Variants in MPHOSPH6 observed in about 807,000 individuals in gnomAD.
MPHOSPH6 encodes the protein M-phase phosphoprotein 6.
MPHOSPH6 carries 25 observed loss-of-function variants against 21.8 expected under a neutral mutation model. The ratio of observed to expected loss-of-function variants is 1.15; its 90% CI spans 0.83 to 1.60. The LOEUF (loss-of-function observed/expected upper bound fraction) is 1.60. Ranked by LOEUF, MPHOSPH6 falls within the 40% of genes most tolerant of loss-of-function variation. The pLI is 0.00. For synonymous variants in MPHOSPH6, 84 were observed against 56.5 expected, an observed-to-expected ratio of 1.49 and a Z score of -2.18; for missense variants, 269 against 181.8, an observed-to-expected ratio of 1.48 and a Z score of -2.76.
chr16:82,170,122 C>A lies in MPHOSPH6; in HGVS notation c.51+3G>T. ...CGGAGTGGCGCTCTCAGCGTCCCCG[C>A]ACCTTCATGCGCAGTAGATTCTTGG... On this transcript the variant is annotated splice_donor_region_variant and intron_variant, in intron 1 of 4. Coordinates refer to ENST00000258169, the MANE Select transcript of MPHOSPH6 (RefSeq NM_005792.2). 3.8e-6 allele frequency: 6 copies of A among 1,590,810 alleles called. No homozygotes were observed. Among genetic ancestry groups the A allele is most frequent in the East Asian group, 2.4e-5 (1 of 42,202 alleles).
At chr16:82,163,026 C>A (rs1906654343) in intron 2 of MPHOSPH6, among the ~76,000 whole-genome samples, 1 of 152,212 alleles carries the variant, frequency 6.6e-6, no homozygotes, top group African/African-American at 2.4e-5. Context: ...TCCCTCCTCA[C>A]CAACATCTTG....
chr16:82,160,676 G>A (rs900707648), intron 2 of MPHOSPH6, among the ~76,000 whole-genome samples: 1 of 152,164 alleles, frequency 6.6e-6, no homozygotes, highest in Non-Finnish European at 1.5e-5. Flanking sequence ...TGGGTGCACA[G>A]CATCCACCTG....
chr16:82,155,987 AAGTT>A (rs779978493), intron 2 of MPHOSPH6, among the ~76,000 whole-genome samples: 3 of 152,202 alleles, frequency 2.0e-5, no homozygotes, highest in Non-Finnish European at 4.4e-5. Context: ...TGTACACAAA[AAGTT>A]AGAGGCAAAC....
chr16:82,157,950 T>C (rs985314643), intron 2 of MPHOSPH6, among the ~76,000 whole-genome samples: 4 of 152,318 alleles, frequency 2.6e-5, no homozygotes, highest in South Asian at 2.1e-4. Flanking sequence ...TTTTACTGTG[T>C]TGACATTTGC....
chr16:82,168,096 C>A (rs1024704017), intron 1 of MPHOSPH6, among the ~76,000 whole-genome samples: 2 of 151,122 alleles, frequency 1.3e-5, no homozygotes, highest in African/African-American at 4.8e-5. Flanking sequence ...TTCCAACGTC[C>A]AGTTGAGTCT....
At chr16:82,155,917 A>G (rs1035347725) in intron 2 of MPHOSPH6, among the ~76,000 whole-genome samples, 1 of 152,070 alleles carries the variant, frequency 6.6e-6, no homozygotes, top group East Asian at 1.9e-4. Context: ...AAAAAAAAAA[A>G]AAGTTAATAG....
chr16:82,148,630 C>A lies in MPHOSPH6; in HGVS notation c.*101G>T. On this transcript the variant is annotated 3_prime_UTR_variant, in exon 5 of 5. Coordinates refer to ENST00000258169, the MANE Select transcript of MPHOSPH6 (RefSeq NM_005792.2). Reference sequence around the variant, plus strand: ...AAATGATAATCTCTTTACAAGTAAACGTTACAGTATTAATAACTATAGAGA... The same window carrying A: ...AAATGATAATCTCTTTACAAGTAAAAGTTACAGTATTAATAACTATAGAGA... 2 of 1,354,974 alleles carry A rather than the reference C, an allele frequency of 1.5e-6. No individual in the cohort carries two copies. The highest frequency in any genetic ancestry group is 1.6e-5 in the South Asian group (1 of 63,176). 83.9% of individuals were successfully genotyped at this position (1,354,974 alleles called of 1,614,324 possible).
At chr16:82,167,773 G>T (rs1045475454) in intron 1 of MPHOSPH6, among the ~76,000 whole-genome samples, 1 of 152,122 alleles carries the variant, frequency 6.6e-6, no homozygotes, top group Non-Finnish European at 1.5e-5. Context: ...AAGCTATGGG[G>T]AACAGCTGTA....
chr16:82,153,968 C>T (rs1422068848), intron 2 of MPHOSPH6, among the ~76,000 whole-genome samples: 1 of 152,004 alleles, frequency 6.6e-6, no homozygotes, highest in African/African-American at 2.4e-5. Context: ...ACATTTAGGG[C>T]CCACCCAGAT....
At position 82,170,181 on chromosome 16, in the gene MPHOSPH6, C is replaced by A. The variant is rs2303260; in HGVS notation, c.-6G>T. The A allele has an allele frequency of 5.7e-6, 9 of 1,581,648 alleles. No individual in the cohort carries two copies. The highest frequency in any genetic ancestry group is 1.1e-5 in the South Asian group (1 of 87,882). On this transcript the variant is annotated 5_prime_UTR_variant, in exon 1 of 5. Transcript: ENST00000258169. ...GTCTTTCGCTCGGCCGCCATGGTAGCTTCCGCCCAGCGCCGCACTCCGGCC... is the reference window on the plus strand; with the variant it reads ...GTCTTTCGCTCGGCCGCCATGGTAGATTCCGCCCAGCGCCGCACTCCGGCC...
chr16:82,165,114 C>CTTTTTTTTTTTTTTTTTTT lies in MPHOSPH6; in HGVS notation c.52-921_52-920insAAAAAAAAAAAAAAAAAAA, dbSNP rs1418457856. On this transcript the variant is annotated intron_variant, in intron 1 of 4. Transcript: ENST00000258169. ...TTTCCCTTATTCAGGTCCGATATTT[C>CTTTTTTTTTTTTTTTTTTT]TTTTTTATTTTTTTTTTTATTTTTT... Among the ~76,000 whole-genome samples, 31 of 63,936 alleles carry CTTTTTTTTTTTTTTTTTTT rather than the reference C, an allele frequency of 4.8e-4. 11 individuals carry two copies. Among genetic ancestry groups the CTTTTTTTTTTTTTTTTTTT allele is most frequent in the South Asian group, 1.0e-3 (2 of 1,938 alleles). 41.9% of individuals were successfully genotyped at this position (63,936 alleles called of 152,430 possible).
At chr16:82,161,036 T>C (rs1906590929) in intron 2 of MPHOSPH6, among the ~76,000 whole-genome samples, 1 of 152,202 alleles carries the variant, frequency 6.6e-6, no homozygotes, top group Non-Finnish European at 1.5e-5. Context: ...CTTATTACTC[T>C]TCGTTCATAC....
intron 2 of MPHOSPH6, among the ~76,000 whole-genome samples, chr16:82,152,335 T>C (rs571549538): frequency 2.0e-5 from 3 of 152,312 alleles, no homozygotes; most frequent in African/African-American, 4.8e-5. Flanking sequence ...GGAGAAGTAG[T>C]GGGAAATCAG....
chr16:82,167,033 C>T lies in MPHOSPH6; in HGVS notation c.52-2839G>A, dbSNP rs368272181. On this transcript the variant is annotated intron_variant, in intron 1 of 4. Coordinates refer to ENST00000258169, the MANE Select transcript of MPHOSPH6 (RefSeq NM_005792.2). ...CCTCAGGCTAGATGTCTGTTGTCGT[C>T]GATAAAGTTTTACTGGTACACAACC... Among the ~76,000 whole-genome samples, 24 of 152,234 alleles carry T rather than the reference C, an allele frequency of 1.6e-4. No homozygotes were observed. The East Asian group carries it at 4.1e-3, about 26-fold the overall frequency.
chr16:82,163,312 A>G (rs535634084), intron 2 of MPHOSPH6, among the ~76,000 whole-genome samples: 2 of 152,390 alleles, frequency 1.3e-5, no homozygotes, highest in South Asian at 4.1e-4. Flanking sequence ...TGAGGAAAGT[A>G]TCAGGGAAAA....
chr16:82,148,533 C>G lies in MPHOSPH6; in HGVS notation c.*198G>C, dbSNP rs986067565. 2 of 603,606 alleles carry G rather than the reference C, an allele frequency of 3.3e-6. No homozygotes were observed. The highest frequency in any genetic ancestry group is 4.8e-4 in the Middle Eastern group (1 of 2,100). The allele number at this position is 603,606 out of a possible 1,614,324, so 37.4% of individuals were successfully genotyped here. ...GTAGATCAGGGGCTAAAAATCCACT[C>G]TGAATGAATACCAAGAAGCAAAGGA... On this transcript the variant is annotated 3_prime_UTR_variant, in exon 5 of 5. Coordinates refer to ENST00000258169, the MANE Select transcript of MPHOSPH6 (RefSeq NM_005792.2).
chr16:82,152,566 G>GGGGCAGAATTGGAAGAC (rs1906298792), intron 2 of MPHOSPH6, among the ~76,000 whole-genome samples: 1 of 152,168 alleles, frequency 6.6e-6, no homozygotes, highest in Admixed American at 6.5e-5. Context: ...GAAGGCTGAA[G>GGGGCAGAATTGGAAGAC]GGGCAGAATT....
chr16:82,168,129 TTTAAG>T (rs1906846688), intron 1 of MPHOSPH6, among the ~76,000 whole-genome samples: 1 of 22,786 alleles, frequency 4.4e-5, no homozygotes, highest in African/African-American at 6.4e-5. Flanking sequence ...GGGGTGGACA[TTTAAG>T]TTAATTTCTT....
Position 82,170,191 on chromosome 16 carries a change from G to C in MPHOSPH6, c.-16C>G, listed in dbSNP as rs765512342. Reference sequence around the variant, plus strand: ...CGGCCGCCATGGTAGCTTCCGCCCAGCGCCGCACTCCGGCCGCGAGCCTCA... The same window carrying C: ...CGGCCGCCATGGTAGCTTCCGCCCACCGCCGCACTCCGGCCGCGAGCCTCA... On this transcript the variant is annotated 5_prime_UTR_variant, in exon 1 of 5. Coordinates refer to ENST00000258169, the MANE Select transcript of MPHOSPH6 (RefSeq NM_005792.2). The C allele has an allele frequency of 8.9e-6, 14 of 1,573,260 alleles. No individual in the cohort carries two copies. In the South Asian group the frequency reaches 1.3e-4, roughly 14 times the overall value.
Sources: allele counts gnomAD v4.1 joint callset (sites outside exome capture counted in the v4.1 genomes callset), GRCh38; gene constraint gnomAD v4.1.1; transcripts MANE v1.5; gene names NCBI Gene and HGNC (gene_info 2026-07-23, HGNC 2026-07-21).